NAALADL2: variants seen among roughly 807,000 people sequenced by gnomAD.
The protein encoded by NAALADL2 is N-acetylated alpha-linked acidic dipeptidase like 2.
NAALADL2 carries 76 observed loss-of-function variants against 87.2 expected under a neutral mutation model. That is an observed-to-expected ratio of 0.87 (90% CI 0.72 to 1.05). NAALADL2 has a LOEUF of 1.05. NAALADL2 is among the 50% of genes least tolerant of loss of function. The pLI, the probability that NAALADL2 is intolerant of heterozygous loss-of-function variation, is 0.00. For missense variants in NAALADL2, 1,089 were observed against 945.8 expected, an observed-to-expected ratio of 1.15 and a Z score of -1.99; for synonymous variants, 354 against 331.0, an observed-to-expected ratio of 1.07 and a Z score of -0.75.
At chr3:175,094,815 C>T (rs967093341) in intron 1 of NAALADL2, among the ~76,000 whole-genome samples, 4 of 150,588 alleles carry the variant, frequency 2.7e-5, no homozygotes, top group Non-Finnish European at 5.9e-5. Flanking sequence ...TCCTCTCCAT[C>T]TCCACAATGT....
Position 175,730,429 on chromosome 3 carries a change from TATATATATATATATAC to T in NAALADL2, c.1897-6875_1897-6860del, listed in dbSNP as rs1408052176. On this transcript the variant is annotated intron_variant, in intron 11 of 13. Transcript: ENST00000454872. ...ATATATATATATATATATATATATA[TATATATATATATATAC>T]ACACATACACACGCACACACACACG... is the stretch of plus-strand genomic sequence containing the variant. Among the ~76,000 whole-genome samples, 235 of 87,886 alleles carry T rather than the reference TATATATATATATATAC, an allele frequency of 2.7e-3. 2 individuals are homozygous for T. The highest frequency in any genetic ancestry group is 8.3e-3 in the African/African-American group (179 of 21,454). The allele number at this position is 87,886 out of a possible 152,430, so 57.7% of individuals were successfully genotyped here.
At chr3:174,703,488 T>C (rs1729756047) in intron 2 of NAALADL2, among the ~76,000 whole-genome samples, 1 of 152,132 alleles carries the variant, frequency 6.6e-6, no homozygotes, top group Non-Finnish European at 1.5e-5. Flanking sequence ...CATGAGAGTT[T>C]AGGATACATA....
At chr3:175,005,909 T>C (rs1748956063) in intron 1 of NAALADL2, among the ~76,000 whole-genome samples, 1 of 152,200 alleles carries the variant, frequency 6.6e-6, no homozygotes, top group Non-Finnish European at 1.5e-5. Context: ...AAAATCATGC[T>C]TCCTAAGTTA....
Position 175,466,981 on chromosome 3 carries a change from C to T in NAALADL2, c.1330C>T (p.Arg444Trp), listed in dbSNP as rs372099377. The change falls in exon 8 of 14, where the codon CGG (arginine) becomes TGG (tryptophan). Residue 444 changes from arginine to tryptophan, a missense_variant and splice_region_variant. Arg to Trp is a moderately radical substitution (Grantham distance 101). Transcript: ENST00000454872. ...CTCTTGTCCCTTTCTATTTTCAGAC[C>T]GGTATATCATAGTTGGCAGCCATCA... is the stretch of plus-strand genomic sequence containing the variant. ...GFVMGLTSPD[R>W]YIIVGSHHHT... is the part of the protein sequence containing the mutation. 113 of 1,608,428 alleles carry T rather than the reference C, an allele frequency of 7.0e-5. No homozygotes were observed. In the African/African-American group the frequency reaches 8.2e-4, roughly 12 times the overall value.
chr3:175,132,333 G>A (rs1295978722), intron 2 of NAALADL2, among the ~76,000 whole-genome samples: 1 of 80,652 alleles, frequency 1.2e-5, no homozygotes, highest in African/African-American at 6.3e-5. Context: ...CCTCCTTCCC[G>A]GACGAGGCGG....
intron 2 of NAALADL2, among the ~76,000 whole-genome samples, chr3:175,104,467 C>T (rs2108442352): frequency 6.6e-6 from 1 of 152,240 alleles, no homozygotes; most frequent in Non-Finnish European, 1.5e-5. Flanking sequence ...AGCAACTGTT[C>T]TCTTCTAGTC....
chr3:175,797,951 CAT>C (rs1173675270), intron 13 of NAALADL2, among the ~76,000 whole-genome samples: 3 of 152,014 alleles, frequency 2.0e-5, no homozygotes, highest in Admixed American at 6.6e-5. Context: ...TACATGAGAA[CAT>C]ATGTGATAAC....
intron 9 of NAALADL2, among the ~76,000 whole-genome samples, chr3:175,494,220 T>G (rs543002997): frequency 4.6e-5 from 7 of 152,096 alleles, no homozygotes; most frequent in Non-Finnish European, 1.0e-4. Context: ...TATTAACTAT[T>G]TTCCCATGTT....
chr3:174,577,390 C>T (rs1199037663), intron 2 of NAALADL2, among the ~76,000 whole-genome samples: 1 of 151,944 alleles, frequency 6.6e-6, no homozygotes, highest in Non-Finnish European at 1.5e-5. Context: ...TAAATAAAAG[C>T]AAGTATTGGA....
At chr3:175,319,514 C>A (rs1759567199) in intron 4 of NAALADL2, among the ~76,000 whole-genome samples, 1 of 152,124 alleles carries the variant, frequency 6.6e-6, no homozygotes, top group Non-Finnish European at 1.5e-5. Flanking sequence ...TTTCTCAGGG[C>A]TCTCCTTTCT....
intron 2 of NAALADL2, among the ~76,000 whole-genome samples, chr3:174,641,966 C>T (rs1413949175): frequency 6.6e-6 from 1 of 151,748 alleles, no homozygotes; most frequent in Non-Finnish European, 1.5e-5. Context: ...ACCATGTTGG[C>T]CAGGCTGGTC....
rs942557522 is a variant in NAALADL2 at position 175,804,827 on chromosome 3, G to A, written c.*1624G>A. The A allele has an allele frequency of 6.6e-5, 10 of 151,924 alleles. No individual in the cohort carries two copies. Among genetic ancestry groups the A allele is most frequent in the African/African-American group, 2.4e-4 (10 of 41,510 alleles). 9.4% of individuals were successfully genotyped at this position (151,924 alleles called of 1,614,324 possible). A position where few individuals can be genotyped will look rare whatever the true frequency, so the allele number is the denominator to read the frequency against. On this transcript the variant is annotated 3_prime_UTR_variant, in exon 14 of 14. Coordinates refer to ENST00000454872, the MANE Select transcript of NAALADL2 (RefSeq NM_207015.3). ...TTTTATATGCTCAAGGCAAAGCAGG[G>A]AATAGAGGCAATTAGCTAGATAATT...
chr3:175,543,074 G>A (rs970996096), intron 9 of NAALADL2, among the ~76,000 whole-genome samples: 1 of 152,084 alleles, frequency 6.6e-6, no homozygotes. Flanking sequence ...ATTTTATCCA[G>A]TTTCTATGAC....
In NAALADL2 at chr3:174,996,754, G is replaced by T. The variant is rs575319812; in HGVS notation, c.44-100036G>T. 5.3e-5 allele frequency among the ~76,000 whole-genome samples: 8 copies of T among 152,034 alleles called. 1 individual carries two copies. The South Asian group carries it at 1.7e-3, about 32-fold the overall frequency. On this transcript the variant is annotated intron_variant, in intron 1 of 13. Coordinates refer to ENST00000454872, the MANE Select transcript of NAALADL2 (RefSeq NM_207015.3). ...ACCAGTCACCCAAGAAGTGCACACT[G>T]TACCCAATATGTAGTCTTTATCCCT... is the stretch of plus-strand genomic sequence containing the variant.
At chr3:174,948,983 A>C (rs964172304) in intron 1 of NAALADL2, among the ~76,000 whole-genome samples, 1 of 152,130 alleles carries the variant, frequency 6.6e-6, no homozygotes, top group Admixed American at 6.5e-5. Flanking sequence ...ACTTCCTCAT[A>C]CACAGTTGTC....
At chr3:175,340,758 A>G (rs1017389305) in intron 5 of NAALADL2, among the ~76,000 whole-genome samples, 6 of 152,208 alleles carry the variant, frequency 3.9e-5, no homozygotes, top group African/African-American at 1.4e-4. Flanking sequence ...CTGCTCCTTA[A>G]GAATGACTTC....
intron 2 of NAALADL2, among the ~76,000 whole-genome samples, chr3:175,158,674 A>G (rs10470502): frequency 0.16 from 24,177 of 152,100 alleles, 2,362 homozygotes; most frequent in African/African-American, 0.26. Context: ...CTGAGCTCCA[A>G]TGTTTAAAAT....
intron 2 of NAALADL2, among the ~76,000 whole-genome samples, chr3:174,703,445 C>T (rs1729751136): frequency 1.3e-5 from 2 of 151,844 alleles, no homozygotes; most frequent in South Asian, 2.1e-4. Context: ...AAGAAAATGC[C>T]GCGCCATTTG....
At chr3:175,386,628 T>C (rs1451017169) in intron 5 of NAALADL2, among the ~76,000 whole-genome samples, 3 of 152,052 alleles carry the variant, frequency 2.0e-5, no homozygotes, top group African/African-American at 4.8e-5. Context: ...TCAATGGCAG[T>C]CCAAAAAATA....
Sources: gnomAD v4.1 joint callset for allele counts (sites outside exome capture counted in the v4.1 genomes callset) on GRCh38, gnomAD v4.1.1 for gene constraint, MANE v1.5 for transcripts, NCBI Gene and HGNC (gene_info 2026-07-23, HGNC 2026-07-21) for gene names.